The following TCF4 variants were observed in gnomAD, a reference collection of about 807,000 sequenced individuals.
TCF4 encodes the protein transcription factor 4.
TCF4 carries 3 observed loss-of-function variants against 82.1 expected under a neutral mutation model. The observed-to-expected ratio is 0.04, with a 90% CI of 0.02 to 0.09. The LOEUF (loss-of-function observed/expected upper bound fraction) is 0.09, where lower values mean the gene tolerates loss of function less well. TCF4 is among the 10% of genes least tolerant of loss of function. The pLI is 1.00. For missense variants in TCF4, 518 were observed against 852.7 expected, an observed-to-expected ratio of 0.61 and a Z score of 4.89; for synonymous variants, 276 against 309.6, an observed-to-expected ratio of 0.89 and a Z score of 1.14.
intron 8 of TCF4, among the ~76,000 whole-genome samples, chr18:55,313,553 A>C (rs1486469541): frequency 1.3e-5 from 2 of 152,184 alleles, no homozygotes; most frequent in African/African-American, 4.8e-5. Context: ...AGAACTCAAA[A>C]TTTAAAAAAG....
At chr18:55,423,701 T>C (rs1336543998) in intron 5 of TCF4, 1 of 152,540 alleles carries the variant, frequency 6.6e-6, no homozygotes, top group African/African-American at 2.4e-5. Flanking sequence ...AGCGCAGCCG[T>C]GCAACAACGC....
chr18:55,562,802 A>G (rs1317751366), intron 3 of TCF4, among the ~76,000 whole-genome samples: 1 of 152,358 alleles, frequency 6.6e-6, no homozygotes, highest in East Asian at 1.9e-4. Flanking sequence ...AATAATATCT[A>G]TAAGTCCAGG....
intron 8 of TCF4, among the ~76,000 whole-genome samples, chr18:55,328,654 A>G (rs111930388): frequency 0.026 from 4,028 of 152,236 alleles, 180 homozygotes; most frequent in African/African-American, 0.091. Context: ...TGAATTCCCA[A>G]AAAGTTAGAG....
At chr18:55,617,493 G>A (rs1237721777) in intron 2 of TCF4, among the ~76,000 whole-genome samples, 1 of 151,778 alleles carries the variant, frequency 6.6e-6, no homozygotes, top group East Asian at 1.9e-4. Context: ...TTTTTATAGG[G>A]GTTCCTTTGA....
intron 5 of TCF4, among the ~76,000 whole-genome samples, chr18:55,444,450 A>G (rs1375923926): frequency 6.6e-6 from 1 of 152,176 alleles, no homozygotes; most frequent in East Asian, 1.9e-4. Flanking sequence ...GTGTGATTAA[A>G]CCATGTTCTA....
At chr18:55,283,432 T>C (rs1262183269) in intron 8 of TCF4, among the ~76,000 whole-genome samples, 1 of 152,232 alleles carries the variant, frequency 6.6e-6, no homozygotes, top group Non-Finnish European at 1.5e-5. Flanking sequence ...TCTTGGCATA[T>C]CGGTTTCACT....
At chr18:55,557,834 G>T (rs2097317704) in intron 3 of TCF4, among the ~76,000 whole-genome samples, 1 of 151,884 alleles carries the variant, frequency 6.6e-6, no homozygotes, top group Non-Finnish European at 1.5e-5. Context: ...CTTTTTACAT[G>T]AAAGACAAAT....
At chr18:55,566,666 G>T (rs940233556) in intron 3 of TCF4, among the ~76,000 whole-genome samples, 1 of 152,042 alleles carries the variant, frequency 6.6e-6, no homozygotes, top group Admixed American at 6.6e-5. Flanking sequence ...CTGGAAGATG[G>T]GTCTAAAGAA....
intron 3 of TCF4, among the ~76,000 whole-genome samples, chr18:55,493,262 G>A (rs1162692653): frequency 2.0e-5 from 3 of 152,160 alleles, no homozygotes; most frequent in Non-Finnish European, 2.9e-5. Context: ...TTTGGGCTGA[G>A]TTAGCATTTC....
chr18:55,422,461 T>C lies in TCF4; in HGVS notation c.305-18943A>G, dbSNP rs189100907. On this transcript the variant is annotated intron_variant, in intron 5 of 19. Transcript: ENST00000354452. ...AAAAAAAGTTTGCCAGAAATTCTCA[T>C]ACTTGGGTCACAAATAAAAGTACTT... 9.8e-5 allele frequency: 96 copies of C among 983,764 alleles called. No homozygotes were observed. In the Admixed American group the frequency reaches 2.9e-3, roughly 30 times the overall value. The allele number at this position is 983,764 out of a possible 1,614,324, so 60.9% of individuals were successfully genotyped here.
At chr18:55,585,412 T>A (rs1264925212) in intron 2 of TCF4, 60 bp from the exon 3 acceptor site, 2 of 1,448,676 alleles carry the variant, frequency 1.4e-6, no homozygotes, top group African/African-American at 1.4e-5. Flanking sequence ...TCAGAGCTCC[T>A]CAAAGATCTT....
chr18:55,497,921 C>A (rs2096655365), intron 3 of TCF4, among the ~76,000 whole-genome samples: 1 of 152,172 alleles, frequency 6.6e-6, no homozygotes, highest in Non-Finnish European at 1.5e-5. Flanking sequence ...AGTGCTACTA[C>A]AATGAACACA....
At chr18:55,473,756 A>T (rs2096235096) in intron 3 of TCF4, among the ~76,000 whole-genome samples, 1 of 152,222 alleles carries the variant, frequency 6.6e-6, no homozygotes, top group Non-Finnish European at 1.5e-5. Context: ...ACACTGACAG[A>T]TAAATCCATT....
chr18:55,429,129 C>T lies in TCF4; in HGVS notation c.305-25611G>A, dbSNP rs185063740. Among the ~76,000 whole-genome samples, 440 of 152,264 alleles carry T rather than the reference C, an allele frequency of 2.9e-3. 4 individuals are homozygous for T. The highest frequency in any genetic ancestry group is 9.9e-3 in the African/African-American group (412 of 41,536). ...AGCAAATATAGGAAAAAAGAACCAT[C>T]AAAGGCCCACAGACGGCATATAAGT... On this transcript the variant is annotated intron_variant, in intron 5 of 19. Transcript: ENST00000354452.
chr18:55,358,091 T>C (rs533440208), intron 6 of TCF4, among the ~76,000 whole-genome samples: 12 of 152,222 alleles, frequency 7.9e-5, no homozygotes, highest in Non-Finnish European at 1.8e-4. Flanking sequence ...ACCAAGAGTA[T>C]ATGGCGTAAA....
chr18:55,511,946 G>T (rs950157303), intron 3 of TCF4, among the ~76,000 whole-genome samples: 3 of 133,608 alleles, frequency 2.2e-5, no homozygotes, highest in African/African-American at 8.1e-5. Flanking sequence ...AAACTAAATG[G>T]CATGTACCAT....
chr18:55,417,141 T>C (rs1214771178), intron 5 of TCF4, among the ~76,000 whole-genome samples: 4 of 152,160 alleles, frequency 2.6e-5, no homozygotes, highest in Non-Finnish European at 4.4e-5. Flanking sequence ...AATTACTTAT[T>C]TTTTTTATCA....
intron 5 of TCF4, among the ~76,000 whole-genome samples, chr18:55,438,688 G>A (rs1330919178): frequency 6.6e-6 from 1 of 152,114 alleles, no homozygotes; most frequent in East Asian, 1.9e-4. Context: ...TTGGCCATGG[G>A]AACAAGGACT....
At position 55,226,028 on chromosome 18, in the gene TCF4, AAAAAAC is replaced by A. The variant is rs2046547660; in HGVS notation, c.*2001_*2006del. The A allele has an allele frequency of 6.6e-6, 1 of 152,498 alleles. No homozygotes were observed. 9.4% of individuals were successfully genotyped at this position (152,498 alleles called of 1,614,324 possible). On this transcript the variant is annotated 3_prime_UTR_variant, in exon 20 of 20. Coordinates refer to ENST00000354452, the MANE Select transcript of TCF4 (RefSeq NM_001083962.2). ...TTCTTTTTAAACCACAGTTTTTAAAAAAAAACAAAAACTGATACAATGTATTAAAAC... is the reference window on the plus strand; with the variant it reads ...TTCTTTTTAAACCACAGTTTTTAAAAAAAAACTGATACAATGTATTAAAAC...
Sources: gnomAD v4.1 joint callset for allele counts (sites outside exome capture counted in the v4.1 genomes callset) on GRCh38, gnomAD v4.1.1 for gene constraint, MANE v1.5 for transcripts, NCBI Gene and HGNC (gene_info 2026-07-23, HGNC 2026-07-21) for gene names.